Variants in CDH13 observed in about 807,000 individuals in gnomAD.
CDH13 encodes cadherin 13.
In CDH13, 24 loss-of-function variants were observed where a neutral mutation model predicts 63.8. The observed-to-expected ratio is 0.38, with a 90% CI of 0.27 to 0.53. The LOEUF is 0.53. Among genes scored for constraint, CDH13 ranks in the 20% least tolerant of loss-of-function variants. The pLI, the probability that CDH13 is intolerant of heterozygous loss-of-function variation, is 0.85. For missense variants in CDH13, 1,049 were observed against 903.1 expected (o/e 1.16, Z -2.07); for synonymous variants, 503 against 355.3 (o/e 1.42, Z -4.67).
intron 2 of CDH13, among the ~76,000 whole-genome samples, chr16:82,991,342 T>G (rs546055224): frequency 6.6e-5 from 10 of 152,310 alleles, no homozygotes; most frequent in African/African-American, 2.4e-4. Context: ...TAAAAGTATA[T>G]ATCTTAATAT....
At chr16:83,480,865 A>C (rs1024091655) in intron 6 of CDH13, among the ~76,000 whole-genome samples, 2 of 152,238 alleles carry the variant, frequency 1.3e-5, no homozygotes, top group African/African-American at 4.8e-5. Context: ...TTAAAATAGC[A>C]GCTTCTACAT....
chr16:83,116,561 C>T (rs1449272301), intron 3 of CDH13, among the ~76,000 whole-genome samples: 6 of 152,162 alleles, frequency 3.9e-5, no homozygotes, highest in East Asian at 3.9e-4. Context: ...GGGGACATAT[C>T]GCATGGTTTC....
At chr16:83,426,448 G>T (rs2071897723) in intron 6 of CDH13, among the ~76,000 whole-genome samples, 1 of 151,096 alleles carries the variant, frequency 6.6e-6, no homozygotes, top group South Asian at 2.1e-4. Context: ...TCTCCTCCTG[G>T]ACCATAACCT....
chr16:83,044,305 T>C (rs1215227862), intron 3 of CDH13, among the ~76,000 whole-genome samples: 1 of 152,260 alleles, frequency 6.6e-6, no homozygotes, highest in African/African-American at 2.4e-5. Context: ...CTGACATTTA[T>C]GGCAGAACTA....
chr16:82,795,611 C>T (rs62036787), intron 1 of CDH13, among the ~76,000 whole-genome samples: 19,305 of 152,140 alleles, frequency 0.13, 1,609 homozygotes, highest in East Asian at 0.33. Context: ...TAAGGAGAAG[C>T]TTACACACCT....
At chr16:83,653,498 T>C (rs1912581601) in intron 8 of CDH13, among the ~76,000 whole-genome samples, 1 of 151,580 alleles carries the variant, frequency 6.6e-6, no homozygotes, top group South Asian at 2.1e-4. Context: ...GGAAAATCTT[T>C]CTAGGGAAAA....
chr16:83,521,015 TCTG>T (rs2074819931), intron 7 of CDH13, among the ~76,000 whole-genome samples: 2 of 152,242 alleles, frequency 1.3e-5, no homozygotes, highest in African/African-American at 2.4e-5. Context: ...CTTTGTAATG[TCTG>T]CTATTTCTAA....
intron 6 of CDH13, among the ~76,000 whole-genome samples, chr16:83,432,293 G>A (rs1291987609): frequency 6.6e-6 from 1 of 152,186 alleles, no homozygotes; most frequent in African/African-American, 2.4e-5. Flanking sequence ...ATCAGTAGCT[G>A]CAGTAGCTCC....
At chr16:83,191,526 C>CATATATATATATATATAT (rs763006044) in intron 4 of CDH13, among the ~76,000 whole-genome samples, 1 of 101,700 alleles carries the variant, frequency 9.8e-6, no homozygotes, top group Non-Finnish European at 1.9e-5. Context: ...CACACACACA[C>CATATATATATATATATAT]ACACATATAT....
chr16:83,107,747 T>A (rs1210593467), intron 3 of CDH13, among the ~76,000 whole-genome samples: 1 of 151,908 alleles, frequency 6.6e-6, no homozygotes, highest in East Asian at 1.9e-4. Flanking sequence ...TTTTTTTTTT[T>A]TTTACAATCA....
In CDH13 at chr16:83,706,925, G is replaced by A. The variant is rs566253996; in HGVS notation, c.1538+28464G>A. On this transcript the variant is annotated intron_variant, in intron 10 of 13. Transcript: ENST00000567109. ...AGTCCTGGGTGGCCTGTCTTGAGTC[G>A]GACTCACTTCATCCCTTCACTATAG... 8.1e-3 allele frequency among the ~76,000 whole-genome samples: 712 copies of A among 88,356 alleles called. 6 individuals are homozygous for A. Among genetic ancestry groups the A allele is most frequent in the African/African-American group, 0.033 (687 of 21,070 alleles). 58.0% of individuals were successfully genotyped at this position (88,356 alleles called of 152,430 possible). A position where few individuals can be genotyped will look rare whatever the true frequency, so the allele number is the denominator to read the frequency against.
At chr16:83,594,245 C>T (rs1266161734) in intron 7 of CDH13, among the ~76,000 whole-genome samples, 1 of 152,208 alleles carries the variant, frequency 6.6e-6, no homozygotes, top group East Asian at 1.9e-4. Flanking sequence ...TAGCATCTCT[C>T]CAGCATTTAC....
At chr16:83,695,532 A>G (rs1905288719) in intron 10 of CDH13, among the ~76,000 whole-genome samples, 1 of 152,246 alleles carries the variant, frequency 6.6e-6, no homozygotes, top group South Asian at 2.1e-4. Context: ...ACAGTTAGCA[A>G]TGTTGAGTAA....
At chr16:82,937,246 C>T (rs1181214549) in intron 2 of CDH13, among the ~76,000 whole-genome samples, 2 of 152,142 alleles carry the variant, frequency 1.3e-5, no homozygotes, top group African/African-American at 4.8e-5. Context: ...GTGCTAGCCT[C>T]ACAGATATAC....
intron 2 of CDH13, among the ~76,000 whole-genome samples, chr16:82,978,964 C>A (rs1346675521): frequency 6.6e-6 from 1 of 152,188 alleles, no homozygotes; most frequent in Non-Finnish European, 1.5e-5. Context: ...TTGTACCCTG[C>A]AAAGCCACAG....
chr16:83,519,577 A>C (rs2074781294), intron 7 of CDH13, among the ~76,000 whole-genome samples: 1 of 152,244 alleles, frequency 6.6e-6, no homozygotes, highest in South Asian at 2.1e-4. Context: ...ATAAGTTTAC[A>C]GACCCTTTGA....
chr16:83,207,005 A>C (rs950460903), intron 4 of CDH13, among the ~76,000 whole-genome samples: 1 of 152,256 alleles, frequency 6.6e-6, no homozygotes, highest in African/African-American at 2.4e-5. Context: ...GGAAAGCAAC[A>C]TAAAAGCAAG....
chr16:83,370,520 A>G (rs564213716), intron 6 of CDH13, among the ~76,000 whole-genome samples: 1 of 151,986 alleles, frequency 6.6e-6, no homozygotes, highest in South Asian at 2.1e-4. Flanking sequence ...TTATACAGGG[A>G]AATTGTGTGT....
intron 8 of CDH13, 33 bp downstream of exon 8, chr16:83,602,627 G>C (rs774664968): frequency 2.5e-6 from 4 of 1,611,786 alleles, no homozygotes; most frequent in Non-Finnish European, 2.5e-6. Flanking sequence ...AACCACCACT[G>C]TGGTCACAGC....
Sources: gnomAD v4.1 joint callset for allele counts (sites outside exome capture counted in the v4.1 genomes callset) on GRCh38, gnomAD v4.1.1 for gene constraint, MANE v1.5 for transcripts, NCBI Gene and HGNC (gene_info 2026-07-23, HGNC 2026-07-21) for gene names.